The following FHIT variants were observed in gnomAD, a reference collection of about 807,000 sequenced individuals.
FHIT encodes bis(5'-adenosyl)-triphosphatase.
Under a neutral mutation model 17.9 loss-of-function variants are expected in FHIT, and 19 were observed. The observed-to-expected ratio is 1.06, with a 90% confidence interval of 0.74 to 1.56. FHIT has a LOEUF of 1.56. Among genes scored for constraint, FHIT ranks in the 40% most tolerant of loss-of-function variants. The probability of loss-of-function intolerance (pLI) is 0.00; values close to 1 mark genes in which losing one functional copy is unlikely to be tolerated. For missense variants in FHIT, 248 were observed against 189.2 expected, an observed-to-expected ratio of 1.31 and a Z score of -1.82; for synonymous variants, 81 against 69.7, an observed-to-expected ratio of 1.16 and a Z score of -0.81.
At chr3:60,481,166 G>A (rs943564321) in intron 5 of FHIT, among the ~76,000 whole-genome samples, 5 of 152,126 alleles carry the variant, frequency 3.3e-5, no homozygotes. Context: ...CAAGAAATAT[G>A]GGACTTCATA....
At chr3:60,676,663 AG>A (rs1186080836) in intron 4 of FHIT, among the ~76,000 whole-genome samples, 2 of 152,194 alleles carry the variant, frequency 1.3e-5, no homozygotes, top group African/African-American at 4.8e-5. Flanking sequence ...TGTACATGCC[AG>A]GTAAGCTAGG....
rs150960973 is a variant in FHIT at position 60,572,014 on chromosome 3, TTTTC to T, written c.-17-35039_-17-35036del. Among the ~76,000 whole-genome samples, 578 of 152,190 alleles carry T rather than the reference TTTTC, an allele frequency of 3.8e-3. 3 individuals are homozygous for T. The highest frequency in any genetic ancestry group is 6.8e-3 in the Middle Eastern group (2 of 292). ...TGGATCAAGGTAGTGTTTCCCAAGG[TTTTC>T]TTTCTTTCTTTTTTTTGGGGGGGAA... On this transcript the variant is annotated intron_variant, in intron 4 of 9. Coordinates refer to ENST00000492590, the MANE Select transcript of FHIT (RefSeq NM_002012.4).
At chr3:60,363,658 C>T (rs75722062) in intron 5 of FHIT, among the ~76,000 whole-genome samples, 9,749 of 152,080 alleles carry the variant, frequency 0.064, 957 homozygotes, top group African/African-American at 0.21. Context: ...AAAGCCTCTG[C>T]GCTGTGTATC....
At chr3:60,240,643 G>A (rs145899641) in intron 5 of FHIT, among the ~76,000 whole-genome samples, 62 of 152,290 alleles carry the variant, frequency 4.1e-4, no homozygotes, top group African/African-American at 1.4e-3. Flanking sequence ...GAAAGAGAAG[G>A]AAGAGGGATG....
intron 7 of FHIT, among the ~76,000 whole-genome samples, chr3:59,963,962 G>C (rs1707806837): frequency 6.6e-6 from 1 of 152,116 alleles, no homozygotes; most frequent in Non-Finnish European, 1.5e-5. Flanking sequence ...TGTTGGCAAA[G>C]ACCTCAGTAA....
At chr3:60,066,865 C>T (rs188649842) in intron 5 of FHIT, among the ~76,000 whole-genome samples, 421 of 151,914 alleles carry the variant, frequency 2.8e-3, no homozygotes, top group African/African-American at 9.5e-3. Context: ...ACCGTGGTCT[C>T]GATCTCCTGA....
chr3:60,179,533 T>A (rs1198777735), intron 5 of FHIT, among the ~76,000 whole-genome samples: 1 of 152,184 alleles, frequency 6.6e-6, no homozygotes, highest in Admixed American at 6.5e-5. Context: ...TATGCCAAAT[T>A]AAATCAACAT....
At chr3:59,927,244 T>C (rs55676042) in intron 7 of FHIT, among the ~76,000 whole-genome samples, 17,700 of 151,924 alleles carry the variant, frequency 0.12, 1,797 homozygotes, top group African/African-American at 0.28. Context: ...AAAAGCCAAA[T>C]GAGGCTGATT....
chr3:61,174,112 CAGGTGTTAGAA>C (rs550065208), intron 2 of FHIT, among the ~76,000 whole-genome samples: 1 of 152,306 alleles, frequency 6.6e-6, no homozygotes, highest in South Asian at 2.1e-4. Context: ...ATGGAAACTG[CAGGTGTTAGAA>C]AGGTACCAAC....
intron 4 of FHIT, among the ~76,000 whole-genome samples, chr3:60,614,879 G>GAGT (rs2038906081): frequency 7.1e-6 from 1 of 141,654 alleles, no homozygotes; most frequent in Admixed American, 7.5e-5. Flanking sequence ...CGCCAGACTG[G>GAGT]AGTGCAGTGG....
At chr3:60,270,847 A>G (rs1706824125) in intron 5 of FHIT, among the ~76,000 whole-genome samples, 1 of 152,216 alleles carries the variant, frequency 6.6e-6, no homozygotes, top group South Asian at 2.1e-4. Flanking sequence ...ATCCTTCCAG[A>G]GAAAGCCATA....
Position 60,756,940 on chromosome 3 carries a change from G to A in FHIT, c.-18+64979C>T, listed in dbSNP as rs1036677834. 8.6e-5 allele frequency among the ~76,000 whole-genome samples: 13 copies of A among 152,004 alleles called. 1 individual carries two copies. Among genetic ancestry groups the A allele is most frequent in the Non-Finnish European group, 1.8e-4 (12 of 68,008 alleles). ...GCTCTGCTGTGAAACTATGGACTGGGGAAAGGGCATTGTTCATTTGTTAGC... is the reference window on the plus strand; with the variant it reads ...GCTCTGCTGTGAAACTATGGACTGGAGAAAGGGCATTGTTCATTTGTTAGC... On this transcript the variant is annotated intron_variant, in intron 4 of 9. Coordinates refer to ENST00000492590, the MANE Select transcript of FHIT (RefSeq NM_002012.4).
chr3:60,086,309 G>C (rs1476460509), intron 5 of FHIT, among the ~76,000 whole-genome samples: 1 of 152,130 alleles, frequency 6.6e-6, no homozygotes, highest in Non-Finnish European at 1.5e-5. Context: ...CCCATCATTG[G>C]GGATCAAGTT....
chr3:60,503,922 C>T (rs1204700739), intron 5 of FHIT, among the ~76,000 whole-genome samples: 1 of 152,058 alleles, frequency 6.6e-6, no homozygotes, highest in Non-Finnish European at 1.5e-5. Context: ...TAAATTCTTG[C>T]TCATTTTATT....
chr3:60,985,058 ACT>A (rs1331932126), intron 3 of FHIT, among the ~76,000 whole-genome samples: 1 of 151,840 alleles, frequency 6.6e-6, no homozygotes, highest in Non-Finnish European at 1.5e-5. Context: ...TCCTCATATT[ACT>A]CTCTGCTCAG....
intron 5 of FHIT, among the ~76,000 whole-genome samples, chr3:60,435,718 C>T (rs541057546): frequency 6.6e-6 from 1 of 152,172 alleles, no homozygotes; most frequent in African/African-American, 2.4e-5. Flanking sequence ...AAACATGTGT[C>T]ATGGGGGTTT....
At chr3:60,004,589 T>C (rs1317432131) in intron 7 of FHIT, among the ~76,000 whole-genome samples, 1 of 152,104 alleles carries the variant, frequency 6.6e-6, no homozygotes, top group Non-Finnish European at 1.5e-5. Flanking sequence ...TGACAAAATA[T>C]TTACAAAACC....
intron 2 of FHIT, among the ~76,000 whole-genome samples, chr3:61,156,410 C>T (rs114144966): frequency 1.1e-3 from 170 of 152,222 alleles, no homozygotes; most frequent in African/African-American, 4.0e-3. Context: ...TCCATTCTCA[C>T]AGCACCCTGA....
intron 3 of FHIT, among the ~76,000 whole-genome samples, chr3:60,922,127 C>T (rs1707318228): frequency 6.6e-6 from 1 of 152,116 alleles, no homozygotes; most frequent in Non-Finnish European, 1.5e-5. Flanking sequence ...AATAAATAAG[C>T]TCACCTGCCA....
Sources: allele counts gnomAD v4.1 joint callset (sites outside exome capture counted in the v4.1 genomes callset), GRCh38; gene constraint gnomAD v4.1.1; transcripts MANE v1.5; gene names NCBI Gene and HGNC (gene_info 2026-07-23, HGNC 2026-07-21).